MASP1: variants seen among roughly 807,000 people sequenced by gnomAD.
The protein encoded by MASP1 is mannan-binding lectin serine protease 1.
MASP1 carries 59 observed loss-of-function variants against 77.1 expected under a neutral mutation model. The ratio of observed to expected loss-of-function variants is 0.77; its 90% CI spans 0.62 to 0.95. MASP1 has a LOEUF of 0.95. MASP1 is among the 40% of genes least tolerant of loss of function. MASP1 has a pLI of 0.00. For synonymous variants in MASP1, 362 were observed against 354.5 expected, an observed-to-expected ratio of 1.02 and a Z score of -0.24; for missense variants, 885 against 912.9, an observed-to-expected ratio of 0.97 and a Z score of 0.39.
In MASP1 at chr3:187,225,504, G is replaced by T. The variant is rs1712372381; in HGVS notation, c.1561C>A (p.His521Asn). 5 of 1,614,132 alleles carry T rather than the reference G, an allele frequency of 3.1e-6. No homozygotes were observed. The East Asian group carries it at 1.1e-4, about 36-fold the overall frequency. Residue 521 changes from histidine to asparagine, a missense_variant, in exon 13 of 16, where the codon CAT becomes AAT. By Grantham distance (68) the His-to-Asn change is moderately conservative (BLOSUM62 1). Coordinates refer to the MASP1 transcript ENST00000337774. ...TTTTCATCTGACCGGAGCCTCCAAT[G>T]CTTGCCTGGGCAAGAAGAAGACATG...
chr3:187,245,890 G>A (rs2108529222), intron 8 of MASP1, among the ~76,000 whole-genome samples: 1 of 152,322 alleles, frequency 6.6e-6, no homozygotes, highest in South Asian at 2.1e-4. Context: ...TTGACCTACA[G>A]TTCCAAGTGT....
intron 3 of MASP1, among the ~76,000 whole-genome samples, chr3:187,261,427 T>C (rs1276851419): frequency 6.6e-6 from 1 of 152,176 alleles, no homozygotes; most frequent in Non-Finnish European, 1.5e-5. Flanking sequence ...GAATGTACAT[T>C]TCCCCAAAAG....
intron 2 of MASP1, among the ~76,000 whole-genome samples, chr3:187,267,861 C>G (rs1305585046): frequency 2.6e-5 from 4 of 152,138 alleles, no homozygotes; most frequent in Admixed American, 2.6e-4. Flanking sequence ...TTCTCTAATC[C>G]TTTAAATCCC....
At chr3:187,243,772 T>A in intron 8 of MASP1, 151 bp from the exon 9 acceptor site, 1 of 923,648 alleles carries the variant, frequency 1.1e-6, no homozygotes, top group Non-Finnish European at 1.7e-6. Flanking sequence ...ACCCCTGGGG[T>A]GTGCAGTGTA....
At chr3:187,291,605 C>T in intron 1 of MASP1, 23 bp downstream of exon 1, 1 of 1,614,176 alleles carries the variant, frequency 6.2e-7, no homozygotes, top group South Asian at 1.1e-5. Context: ...GGGAACCGTG[C>T]CCTCTCCTCC....
intron 2 of MASP1, among the ~76,000 whole-genome samples, chr3:187,268,925 C>T (rs536458933): frequency 8.0e-5 from 12 of 150,698 alleles, no homozygotes; most frequent in South Asian, 6.3e-4. Context: ...ATTAGCTGGG[C>T]GTGGTGGTGT....
Position 187,256,815 on chromosome 3 carries a change from G to T in MASP1, c.593C>A (p.Thr198Asn), listed in dbSNP as rs934716513. 1 of 1,613,972 alleles carries T rather than the reference G, an allele frequency of 6.2e-7. No individual in the cohort carries two copies. The highest frequency in any genetic ancestry group is 8.5e-7 in the Non-Finnish European group (1 of 1,179,994). The stretch of plus-strand genomic sequence containing the variant: ...GTAAGGGTTTGGGAAGTCAGGGCTG[G>T]TGATCACCCCAGTCCTTTGAGTGAA... Reference protein sequence around the residue: ...NLFTQRTGVITSPDFPNPYPK... With the variant: ...NLFTQRTGVINSPDFPNPYPK... The change falls in exon 5 of 11, where the codon ACC becomes AAC. Residue 198 changes from threonine (T) to asparagine (N), a missense_variant. Coordinates refer to ENST00000296280, the MANE Select transcript of MASP1 (RefSeq NM_139125.4).
intron 2 of MASP1, among the ~76,000 whole-genome samples, chr3:187,267,885 T>A (rs1716173459): frequency 7.2e-6 from 1 of 138,048 alleles, no homozygotes; most frequent in African/African-American, 2.7e-5. Context: ...TTCCAACTTT[T>A]ACTTGCCCAG....
chr3:187,238,474 T>A (rs964948084), intron 10 of MASP1, among the ~76,000 whole-genome samples: 6 of 152,214 alleles, frequency 3.9e-5, no homozygotes, highest in African/African-American at 1.4e-4. Context: ...ATGGGGTCAT[T>A]CTTATTGGCT....
At chr3:187,284,486 C>T (rs1322057279) in intron 2 of MASP1, among the ~76,000 whole-genome samples, 1 of 152,126 alleles carries the variant, frequency 6.6e-6, no homozygotes, top group African/African-American at 2.4e-5. Context: ...GTTAAAAATC[C>T]CTACCATGGA....
At chr3:187,239,214 A>G (rs1166180273) in intron 10 of MASP1, among the ~76,000 whole-genome samples, 4 of 151,248 alleles carry the variant, frequency 2.6e-5, no homozygotes, top group African/African-American at 9.7e-5. Flanking sequence ...AAAGTCAGGC[A>G]TGGTGGTGCA....
At chr3:187,240,226 G>A (rs1343187820) in intron 10 of MASP1, among the ~76,000 whole-genome samples, 2 of 149,198 alleles carry the variant, frequency 1.3e-5, no homozygotes, top group Non-Finnish European at 3.0e-5. Context: ...TACCAACCGT[G>A]TACTAGTATA....
intron 7 of MASP1, among the ~76,000 whole-genome samples, chr3:187,250,929 G>T (rs1427898034): frequency 1.3e-5 from 2 of 152,074 alleles, no homozygotes; most frequent in African/African-American, 4.8e-5. Flanking sequence ...ACTGCTTCTG[G>T]GGGTGGGAGA....
At chr3:187,264,475 TA>T (rs34053057) in intron 2 of MASP1, among the ~76,000 whole-genome samples, 244 of 146,612 alleles carry the variant, frequency 1.7e-3, no homozygotes, top group Middle Eastern at 7.0e-3. Flanking sequence ...GTGTAACACT[TA>T]AAAAAAAAAA....
intron 5 of MASP1, among the ~76,000 whole-genome samples, chr3:187,253,819 C>T (rs544810543): frequency 1.3e-5 from 2 of 151,718 alleles, no homozygotes; most frequent in Admixed American, 1.3e-4. Flanking sequence ...AGGGGAAGAT[C>T]ACACACCAGG....
At chr3:187,247,070 A>C in intron 8 of MASP1, 1 of 1,384,704 alleles carries the variant, frequency 7.2e-7, no homozygotes, top group Non-Finnish European at 9.3e-7. Flanking sequence ...GTCCACTCAG[A>C]GGTGCTAAAA....
intron 2 of MASP1, chr3:187,263,160 G>T (rs1266053094): frequency 4.2e-6 from 1 of 238,282 alleles, no homozygotes; most frequent in African/African-American, 2.3e-5. Flanking sequence ...AGATGGAGGT[G>T]ATGAGAGATA....
At chr3:187,273,061 C>T (rs1388076712) in intron 2 of MASP1, among the ~76,000 whole-genome samples, 2 of 152,192 alleles carry the variant, frequency 1.3e-5, no homozygotes, top group Non-Finnish European at 1.5e-5. Flanking sequence ...TGAGATCCAT[C>T]CACCAACTGA....
intron 8 of MASP1, among the ~76,000 whole-genome samples, chr3:187,245,984 C>T (rs1313998092): frequency 6.6e-6 from 1 of 152,150 alleles, no homozygotes; most frequent in African/African-American, 2.4e-5. Context: ...TGGGCTCTAG[C>T]CCCCTCCCTG....
Sources: gnomAD v4.1 joint callset for allele counts (sites outside exome capture counted in the v4.1 genomes callset) on GRCh38, gnomAD v4.1.1 for gene constraint, MANE v1.5 for transcripts, NCBI Gene and HGNC (gene_info 2026-07-23, HGNC 2026-07-21) for gene names.